Variants in FOXK1 observed in about 807,000 individuals in gnomAD.
The protein encoded by FOXK1 is forkhead box K1.
A neutral mutation model predicts 51.9 loss-of-function variants in FOXK1; 19 were observed. That is an observed-to-expected ratio of 0.37 (90% CI 0.26 to 0.54). FOXK1 has a LOEUF of 0.54. Among genes scored for constraint, FOXK1 ranks in the 20% least tolerant of loss-of-function variants. The pLI is 0.87. For missense variants in FOXK1, 870 were observed against 1,032.7 expected (o/e 0.84, Z 2.16); for synonymous variants, 537 against 482.6 (o/e 1.11, Z -1.48).
In FOXK1 at chr7:4,768,144, TTTTTTTG is replaced by T. The variant is rs2115083630; in HGVS notation, c.*5681_*5687del. The T allele has an allele frequency of 7.5e-6, 1 of 133,962 alleles. No individual in the cohort carries two copies. Among genetic ancestry groups the T allele is most frequent in the Non-Finnish European group, 1.5e-5 (1 of 64,744 alleles). The allele number at this position is 133,962 out of a possible 1,614,324, so 8.3% of individuals were successfully genotyped here. A position where few individuals can be genotyped will look rare whatever the true frequency, so the allele number is the denominator to read the frequency against. ...TTCTTTTTTTTTTTTTTTTTTTTTT[TTTTTTTG>T]AGACGGAGTCTCGCTCTGTCGCCCA... On this transcript the variant is annotated 3_prime_UTR_variant, in exon 9 of 9. Coordinates refer to ENST00000328914, the MANE Select transcript of FOXK1 (RefSeq NM_001037165.2).
rs187406340 is a variant in FOXK1, at chr7:4,709,762, G to A, written c.560+26894G>A. 5.9e-5 allele frequency among the ~76,000 whole-genome samples: 9 copies of A among 152,326 alleles called. No homozygotes were observed. The highest frequency in any genetic ancestry group is 4.1e-4 in the South Asian group (2 of 4,834). On this transcript the variant is annotated intron_variant, in intron 1 of 8. Transcript: ENST00000328914. The surrounding 1 kb of genome is among the most constrained non-coding windows in gnomAD (Gnocchi z 5.6). ...CCACAGTGTCATGATAATTCTTGGC[G>A]TTGAGTGACCTCACGATGTGCTGTC... is the stretch of plus-strand genomic sequence containing the variant.
chr7:4,740,764 C>G (rs956869323), intron 1 of FOXK1, 74 bp from the exon 2 acceptor site: 1 of 1,461,628 alleles, frequency 6.8e-7, no homozygotes, highest in Non-Finnish European at 9.3e-7. Context: ...CACACAGACA[C>G]GCACCTTCCC....
Position 4,758,993 on chromosome 7 carries a change from A to G in FOXK1, c.1245-58A>G. 1 of 1,509,770 alleles carries G rather than the reference A, an allele frequency of 6.6e-7. No homozygotes were observed. The highest frequency in any genetic ancestry group is 1.3e-5 in the South Asian group (1 of 77,152). The allele number at this position is 1,509,770 out of a possible 1,614,324, so 93.5% of individuals were successfully genotyped here. A position where few individuals can be genotyped will look rare whatever the true frequency, so the allele number is the denominator to read the frequency against. On this transcript the variant is annotated intron_variant, in intron 5 of 8. Coordinates refer to ENST00000328914, the MANE Select transcript of FOXK1 (RefSeq NM_001037165.2). This position sits in a 1 kb window ranked among gnomAD's most constrained non-coding sequence, Gnocchi z 4.4. ...CGCTGAGATGCGTGATGTCTCGGAA[A>G]CGTCCTCGCATCCCTCAGCGCGGGC...
Position 4,762,315 on chromosome 7 carries a change from G to A in FOXK1, c.2053G>A (p.Ala685Thr). The A allele has an allele frequency of 6.4e-7, 1 of 1,550,542 alleles. No homozygotes were observed. The highest frequency in any genetic ancestry group is 1.2e-5 in the South Asian group (1 of 84,056). ...AVAATATTTP[A>T]TATTASASAS... ...CGCGGCCACGGCCACCACCACCCCA[G>A]CCACTGCCACCACCGCCTCTGCCTC... The change falls in exon 9 of 9, where the codon GCC (alanine) becomes ACC (threonine). Residue 685 changes from alanine to threonine, a missense_variant. Around this residue, in one of 3 missense-constraint regions of FOXK1, gnomAD observed 457 missense variants for 510.8 expected, o/e 0.89. Coordinates refer to ENST00000328914, the MANE Select transcript of FOXK1 (RefSeq NM_001037165.2). This position sits in a 1 kb window ranked among gnomAD's most constrained non-coding sequence, Gnocchi z 5.7.
chr7:4,715,704 G>A lies in FOXK1; in HGVS notation c.561-25134G>A, dbSNP rs1254803378. 2.6e-5 allele frequency among the ~76,000 whole-genome samples: 4 copies of A among 152,182 alleles called. No homozygotes were observed. ...TGGGCTTGTCAAGTCAGTCTGTAGT[G>A]CACGCCGTTAGATTGGTTGTCATTG... On this transcript the variant is annotated intron_variant, in intron 1 of 8. Transcript: ENST00000328914. The surrounding 1 kb of genome is among the most constrained non-coding windows in gnomAD (Gnocchi z 4.5).
rs907336744 is a variant in FOXK1 at position 4,762,753 on chromosome 7, G to A, written c.*289G>A. 4 of 415,772 alleles carry A rather than the reference G, an allele frequency of 9.6e-6. No individual in the cohort carries two copies. Among genetic ancestry groups the A allele is most frequent in the East Asian group, 4.6e-5 (1 of 21,638 alleles). 25.8% of individuals were successfully genotyped at this position (415,772 alleles called of 1,614,324 possible). A position where few individuals can be genotyped will look rare whatever the true frequency, so the allele number is the denominator to read the frequency against. On this transcript the variant is annotated 3_prime_UTR_variant, in exon 9 of 9. Transcript: ENST00000328914. This position sits in a 1 kb window ranked among gnomAD's most constrained non-coding sequence, Gnocchi z 5.7. ...CCTCCTCTCCCCAGGCCTCCCTGTC[G>A]GGCATGGGGAGGAGGTTGGAGCTCA...
intron 1 of FOXK1, among the ~76,000 whole-genome samples, chr7:4,685,830 C>G (rs1164131888): frequency 1.3e-5 from 2 of 151,826 alleles, no homozygotes; most frequent in Non-Finnish European, 1.5e-5. Flanking sequence ...GTAGTCCCAG[C>G]TACTTGGGAG....
At chr7:4,725,132 GCT>G (rs1407179398) in intron 1 of FOXK1, among the ~76,000 whole-genome samples, 2 of 152,248 alleles carry the variant, frequency 1.3e-5, no homozygotes, top group Non-Finnish European at 2.9e-5. Context: ...ACTGTGCTGT[GCT>G]CTCTCGCAGT....
At chr7:4,719,506 G>C (rs1583194167) in intron 1 of FOXK1, among the ~76,000 whole-genome samples, 2 of 151,308 alleles carry the variant, frequency 1.3e-5, no homozygotes, top group East Asian at 3.9e-4. Context: ...TTTTTTGACA[G>C]AATCTCACTC....
In FOXK1 at chr7:4,691,540, C is replaced by T. The variant is rs185598703; in HGVS notation, c.560+8672C>T. Among the ~76,000 whole-genome samples the T allele has an allele frequency of 3.7e-3, 569 of 151,950 alleles. 4 individuals carry two copies. Among genetic ancestry groups the T allele is most frequent in the Middle Eastern group, 0.01 (3 of 290 alleles). On this transcript the variant is annotated intron_variant, in intron 1 of 8. Coordinates refer to ENST00000328914, the MANE Select transcript of FOXK1 (RefSeq NM_001037165.2). ...AGTGGAGACGGGGGTTTTACTGTGT[C>T]GGCCAGGCTGGTCTTGAACTCTTGA...
chr7:4,706,197 T>C lies in FOXK1; in HGVS notation c.560+23329T>C, dbSNP rs191963062. 7.2e-5 allele frequency among the ~76,000 whole-genome samples: 11 copies of C among 152,020 alleles called. No homozygotes were observed. The East Asian group carries it at 1.9e-3, about 27-fold the overall frequency. On this transcript the variant is annotated intron_variant, in intron 1 of 8. Coordinates refer to ENST00000328914, the MANE Select transcript of FOXK1 (RefSeq NM_001037165.2). Reference sequence around the variant, plus strand: ...CATTTCAGCGCGTTTTCCTCCTGTTTCCATTTAAAGAGATCTATAGCAGGG... The same window carrying C: ...CATTTCAGCGCGTTTTCCTCCTGTTCCCATTTAAAGAGATCTATAGCAGGG...
chr7:4,702,715 T>C (rs1780035954), intron 1 of FOXK1, among the ~76,000 whole-genome samples: 1 of 152,200 alleles, frequency 6.6e-6, no homozygotes, highest in Admixed American at 6.5e-5. Context: ...TTCTTCATGA[T>C]CCTGTTTGTG....
At chr7:4,696,544 A>G (rs1212375427) in intron 1 of FOXK1, among the ~76,000 whole-genome samples, 1 of 152,120 alleles carries the variant, frequency 6.6e-6, no homozygotes, top group Non-Finnish European at 1.5e-5. Flanking sequence ...GGTGGTCATT[A>G]AGCGTTGGTG....
chr7:4,758,710 A>G lies in FOXK1; in HGVS notation c.1245-341A>G, dbSNP rs1478675471. 2.1e-5 allele frequency: 6 copies of G among 284,340 alleles called. No homozygotes were observed. Among genetic ancestry groups the G allele is most frequent in the Non-Finnish European group, 3.9e-5 (6 of 152,500 alleles). The allele number at this position is 284,340 out of a possible 1,614,324, so 17.6% of individuals were successfully genotyped here. A position where few individuals can be genotyped will look rare whatever the true frequency, so the allele number is the denominator to read the frequency against. On this transcript the variant is annotated intron_variant, in intron 5 of 8. Transcript: ENST00000328914. The surrounding 1 kb of genome is among the most constrained non-coding windows in gnomAD (Gnocchi z 4.4). Reference sequence around the variant, plus strand: ...GGAACGGTTGCGCCCACCAAACAGAAGCTTATGTTTTTGGCACAGAAGGCC... The same window carrying G: ...GGAACGGTTGCGCCCACCAAACAGAGGCTTATGTTTTTGGCACAGAAGGCC...
rs1780423824 is a variant in FOXK1 at position 4,729,544 on chromosome 7, C to G, written c.561-11294C>G. ...TCAGGACTGCCGGGCCCCGGGAGCCCCACCCGGCAGGACACACACCTGAGC... is the reference window on the plus strand; with the variant it reads ...TCAGGACTGCCGGGCCCCGGGAGCCGCACCCGGCAGGACACACACCTGAGC... On this transcript the variant is annotated intron_variant, in intron 1 of 8. Transcript: ENST00000328914. This position sits in a 1 kb window ranked among gnomAD's most constrained non-coding sequence, Gnocchi z 6.2. Among the ~76,000 whole-genome samples, 1 of 152,186 alleles carries G rather than the reference C, an allele frequency of 6.6e-6. No homozygotes were observed. The highest frequency in any genetic ancestry group is 1.5e-5 in the Non-Finnish European group (1 of 68,030).
chr7:4,713,975 C>T (rs749985417), intron 1 of FOXK1, among the ~76,000 whole-genome samples: 3 of 150,780 alleles, frequency 2.0e-5, no homozygotes, highest in African/African-American at 4.9e-5. Context: ...TACAAGCATG[C>T]GCCACCACGT....
At chr7:4,741,610 C>T (rs1383471375) in intron 2 of FOXK1, among the ~76,000 whole-genome samples, 5 of 152,212 alleles carry the variant, frequency 3.3e-5, no homozygotes, top group African/African-American at 9.7e-5. Flanking sequence ...GGATTACAGG[C>T]GTGAGCCACC....
At chr7:4,713,486 GTGTTTTTTTTTT>G (rs1169828002) in intron 1 of FOXK1, among the ~76,000 whole-genome samples, 1 of 134,012 alleles carries the variant, frequency 7.5e-6, no homozygotes, top group Non-Finnish European at 1.6e-5. Context: ...CATAACCACC[GTGTTTTTTTTTT>G]TGTTTTTTTT....
In FOXK1 at chr7:4,734,493, G is replaced by A. The variant is rs561007457; in HGVS notation, c.561-6345G>A. On this transcript the variant is annotated intron_variant, in intron 1 of 8. Transcript: ENST00000328914. This position sits in a 1 kb window ranked among gnomAD's most constrained non-coding sequence, Gnocchi z 5.2. Reference sequence around the variant, plus strand: ...TTGCCCCTCAAACTCCTTTGCCTCAGTCCCTGTCTTCCTTGATGGGGGCAT... The same window carrying A: ...TTGCCCCTCAAACTCCTTTGCCTCAATCCCTGTCTTCCTTGATGGGGGCAT... Among the ~76,000 whole-genome samples the A allele has an allele frequency of 6.6e-6, 1 of 152,284 alleles. No individual in the cohort carries two copies.
Sources: gnomAD v4.1 joint callset for allele counts (sites outside exome capture counted in the v4.1 genomes callset) on GRCh38, gnomAD v4.1.1 for gene constraint, gnomAD v4.1.1 regional missense constraint, Gnocchi (gnomAD v3.1) non-coding constraint, MANE v1.5 for transcripts, NCBI Gene and HGNC (gene_info 2026-07-23, HGNC 2026-07-21) for gene names.